EHMT1: variants seen among roughly 807,000 people sequenced by gnomAD.
EHMT1 encodes the protein histone-lysine N-methyltransferase EHMT1.
EHMT1 carries 15 observed loss-of-function variants against 147.2 expected under a neutral mutation model. The observed-to-expected ratio is 0.10, with a 90% CI of 0.07 to 0.16. The LOEUF (loss-of-function observed/expected upper bound fraction) is 0.16, where lower values mean the gene tolerates loss of function less well. Among genes scored for constraint, EHMT1 ranks in the 10% least tolerant of loss-of-function variants. The pLI is 1.00. For missense variants in EHMT1, 1,587 were observed against 1,772.4 expected (o/e 0.90, Z 1.88); for synonymous variants, 795 against 709.6 (o/e 1.12, Z -1.91).
chr9:137,715,258 T>C (rs1332833268), intron 2 of EHMT1, among the ~76,000 whole-genome samples: 1 of 152,232 alleles, frequency 6.6e-6, no homozygotes, highest in Non-Finnish European at 1.5e-5. Flanking sequence ...TTATATGCAA[T>C]TAATTTAGCA....
At chr9:137,667,238 G>A (rs1029912661) in intron 1 of EHMT1, 1 of 152,278 alleles carries the variant, frequency 6.6e-6, no homozygotes, top group Admixed American at 6.5e-5. Context: ...GTATGCAAAT[G>A]TGCTGATGCA....
At chr9:137,764,796 C>G (rs1334277000) in intron 10 of EHMT1, 2 of 152,198 alleles carry the variant, frequency 1.3e-5, no homozygotes, top group Admixed American at 6.5e-5. Context: ...TTTTGTGTTT[C>G]TTTCACCCAG....
rs1460787725 is a variant in EHMT1, at chr9:137,828,321, G to A, written c.3541-6028G>A. Reference sequence around the variant, plus strand: ...CTGTCCCCAAAGATGCCCTGGACATGCCCTGGGGTGGGGGGTGGGGGGCAG... The same window carrying A: ...CTGTCCCCAAAGATGCCCTGGACATACCCTGGGGTGGGGGGTGGGGGGCAG... On this transcript the variant is annotated intron_variant, in intron 25 of 26. Coordinates refer to ENST00000460843, the MANE Select transcript of EHMT1 (RefSeq NM_024757.5). This position sits in a 1 kb window ranked among gnomAD's most constrained non-coding sequence, Gnocchi z 5.3. 6.7e-6 allele frequency among the ~76,000 whole-genome samples: 1 copy of A among 148,972 alleles called. No homozygotes were observed. Among genetic ancestry groups the A allele is most frequent in the Non-Finnish European group, 1.5e-5 (1 of 66,894 alleles).
At chr9:137,803,620 A>G (rs1435665326) in intron 18 of EHMT1, among the ~76,000 whole-genome samples, 1 of 151,978 alleles carries the variant, frequency 6.6e-6, no homozygotes, top group East Asian at 1.9e-4. Flanking sequence ...TCATGCCTTC[A>G]TTTTTCTTGA....
chr9:137,836,036 T>C lies in EHMT1; in HGVS notation c.*1083T>C, dbSNP rs1289878187. 6.6e-6 allele frequency: 1 copy of C among 152,644 alleles called. No individual in the cohort carries two copies. Among genetic ancestry groups the C allele is most frequent in the Non-Finnish European group, 1.5e-5 (1 of 68,042 alleles). The allele number at this position is 152,644 out of a possible 1,614,324, so 9.5% of individuals were successfully genotyped here. On this transcript the variant is annotated 3_prime_UTR_variant, in exon 27 of 27. Transcript: ENST00000460843. ...TCATGTTTATTTTTTTCTGTTAAAATGTTTTTGACAGTTTTAAGAGCAGTC... is the reference window on the plus strand; with the variant it reads ...TCATGTTTATTTTTTTCTGTTAAAACGTTTTTGACAGTTTTAAGAGCAGTC...
intron 1 of EHMT1, among the ~76,000 whole-genome samples, chr9:137,708,474 G>A (rs973995091): frequency 5.9e-5 from 9 of 152,088 alleles, no homozygotes; most frequent in African/African-American, 2.2e-4. Context: ...TTAGGCACTG[G>A]GCATTTGGGG....
intron 15 of EHMT1, chr9:137,788,105 G>A: frequency 1.5e-6 from 2 of 1,321,498 alleles, no homozygotes; most frequent in Non-Finnish European, 2.0e-6. Context: ...GGGGGCAGAG[G>A]GGCCACAGAG....
intron 4 of EHMT1, among the ~76,000 whole-genome samples, chr9:137,729,138 G>A (rs560706996): frequency 7.9e-5 from 12 of 152,238 alleles, no homozygotes; most frequent in Admixed American, 1.3e-4. Context: ...GGATGTGTGC[G>A]TTTGGCGCTG....
Position 137,787,675 on chromosome 9 carries a change from C to T in EHMT1, c.2383-3173C>T, listed in dbSNP as rs1046573797. ...CCTGTCTTAAGAGCCTCACAGGCTG[C>T]ACCGGGAGAGCAGCCCGCCTGGGCC... is the stretch of plus-strand genomic sequence containing the variant. On this transcript the variant is annotated intron_variant, in intron 15 of 26. Transcript: ENST00000460843. The surrounding 1 kb of genome is among the most constrained non-coding windows in gnomAD (Gnocchi z 4.2). 7 of 644,134 alleles carry T rather than the reference C, an allele frequency of 1.1e-5. No homozygotes were observed. The highest frequency in any genetic ancestry group is 2.7e-6 in the Non-Finnish European group (1 of 364,972). 39.9% of individuals were successfully genotyped at this position (644,134 alleles called of 1,614,324 possible). A position where few individuals can be genotyped will look rare whatever the true frequency, so the allele number is the denominator to read the frequency against.
chr9:137,710,735 A>G (rs768066964), intron 1 of EHMT1, among the ~76,000 whole-genome samples: 4 of 152,200 alleles, frequency 2.6e-5, no homozygotes, highest in Non-Finnish European at 5.9e-5. Context: ...TCTTATTGTT[A>G]AGAAACTGTC....
chr9:137,677,591 A>G (rs1344174516), intron 1 of EHMT1, among the ~76,000 whole-genome samples: 3 of 151,850 alleles, frequency 2.0e-5, no homozygotes, highest in Admixed American at 6.6e-5. Flanking sequence ...ACGCCCGGCT[A>G]AGTTTTTCTA....
intron 15 of EHMT1, chr9:137,788,090 A>G (rs2137029528): frequency 1.5e-6 from 2 of 1,344,060 alleles, no homozygotes; most frequent in East Asian, 2.5e-5. Context: ...TCGTGGGGCC[A>G]GGAAGGGGGC....
At position 137,813,569 on chromosome 9, in the gene EHMT1, C is replaced by G; in HGVS notation, c.3180+39C>G. On this transcript the variant is annotated intron_variant, in intron 21 of 26. Coordinates refer to ENST00000460843, the MANE Select transcript of EHMT1 (RefSeq NM_024757.5). This position sits in a 1 kb window ranked among gnomAD's most constrained non-coding sequence, Gnocchi z 4.9. ...GATGAAGGGCTGACTCAGGCCAGGA[C>G]ATGGGACAGGCAGAAGCTTCTTGAG... 1 of 1,612,188 alleles carries G rather than the reference C, an allele frequency of 6.2e-7. No individual in the cohort carries two copies. Among genetic ancestry groups the G allele is most frequent in the Non-Finnish European group, 8.5e-7 (1 of 1,179,744 alleles).
intron 4 of EHMT1, among the ~76,000 whole-genome samples, chr9:137,730,197 A>C (rs191101454): frequency 2.6e-4 from 40 of 152,292 alleles, no homozygotes; most frequent in African/African-American, 9.4e-4. Flanking sequence ...GTCCATCTTC[A>C]AGTTACTGCT....
At chr9:137,724,456 A>G (rs1470580848) in intron 3 of EHMT1, among the ~76,000 whole-genome samples, 2 of 152,232 alleles carry the variant, frequency 1.3e-5, no homozygotes, top group Non-Finnish European at 2.9e-5. Flanking sequence ...AAGAGTCCCA[A>G]CAAAACCTAA....
At chr9:137,704,355 T>G (rs1346212062) in intron 1 of EHMT1, among the ~76,000 whole-genome samples, 1 of 152,188 alleles carries the variant, frequency 6.6e-6, no homozygotes, top group African/African-American at 2.4e-5. Context: ...TGGGCCACTT[T>G]GTTCTCATAA....
chr9:137,748,125 T>C (rs1425576236), intron 6 of EHMT1, among the ~76,000 whole-genome samples: 2 of 152,170 alleles, frequency 1.3e-5, no homozygotes, highest in African/African-American at 4.8e-5. Context: ...AGTCTGCAGA[T>C]CAAAACTGTT....
chr9:137,716,740 C>A lies in EHMT1; in HGVS notation c.200C>A (p.Ala67Glu), dbSNP rs757531969. 9.9e-6 allele frequency: 16 copies of A among 1,612,622 alleles called. No individual in the cohort carries two copies. The highest frequency in any genetic ancestry group is 1.3e-5 in the Non-Finnish European group (15 of 1,179,550). ...GAAAACAGCGATGCCAGCAGTCATG[C>A]AAATGCTGCAAAGCACACTCAGGAC... ...SCENSDASSHANAAKHTQDSA... is the reference protein window; with the variant it reads ...SCENSDASSHENAAKHTQDSA... The change falls in exon 3 of 27, where the codon GCA becomes GAA. Residue 67 changes from alanine to glutamate, a missense_variant. Physicochemically the swap from Ala to Glu is moderately radical, Grantham distance 107. This residue lies in a region of EHMT1 where 810 missense variants were observed against 673.0 expected (regional missense o/e 1.20). Coordinates refer to ENST00000460843, the MANE Select transcript of EHMT1 (RefSeq NM_024757.5).
intron 18 of EHMT1, among the ~76,000 whole-genome samples, chr9:137,809,784 A>G: frequency 6.6e-6 from 1 of 152,216 alleles, no homozygotes; most frequent in East Asian, 1.9e-4. Flanking sequence ...ACAGACATAA[A>G]CCAAGTGTTC....
Sources: allele counts gnomAD v4.1 joint callset (sites outside exome capture counted in the v4.1 genomes callset), GRCh38; gene constraint gnomAD v4.1.1; regional missense constraint gnomAD v4.1.1; non-coding constraint Gnocchi (gnomAD v3.1); transcripts MANE v1.5; gene names NCBI Gene and HGNC (gene_info 2026-07-23, HGNC 2026-07-21).